Variants in PFKFB1 observed in about 807,000 individuals in gnomAD.
PFKFB1 encodes the protein 6-phosphofructo-2-kinase/fructose-2,6-bisphosphatase 1.
PFKFB1 carries 34 observed loss-of-function variants against 46.4 expected under a neutral mutation model. The ratio of observed to expected loss-of-function variants is 0.73; its 90% confidence interval spans 0.56 to 0.98. The LOEUF is 0.98. PFKFB1 is among the 50% of genes least tolerant of loss of function. The pLI is 0.00. For synonymous variants in PFKFB1, 119 were observed against 133.8 expected (o/e 0.89, Z 0.76); for missense variants, 393 against 376.3 (o/e 1.04, Z -0.37).
Position 54,937,664 on chromosome X carries a change from T to C in PFKFB1, c.1159A>G (p.Asn387Asp), listed in dbSNP as rs758781475. The stretch of plus-strand genomic sequence containing the variant: ...GCCTGGTGGCAGATCACCAGTACAT[T>C]CTCCTGTCGTTCTAGCTCCATTATC... ...PVIMELERQE[N>D]VLVICHQAVM... Residue 387 changes from asparagine (N) to aspartate (D), a missense_variant, in exon 11 of 14, where the codon AAT (asparagine) becomes GAT (aspartate). By Grantham distance (23) the Asn-to-Asp change is conservative. Transcript: ENST00000375006. The C allele has an allele frequency of 8.3e-7, 1 of 1,206,650 alleles. No individual in the cohort carries two copies. Among genetic ancestry groups the C allele is most frequent in the East Asian group, 3.0e-5 (1 of 33,825 alleles).
At chrX:54,994,493 T>TA (rs944815765), upstream of PFKFB1, 4 of 751,921 alleles carry the variant, frequency 5.3e-6, no homozygotes, top group African/African-American at 2.3e-5. Flanking sequence ...AGCTTTGAAA[T>TA]AAAAAAATGG....
intron 2 of PFKFB1, among the ~76,000 whole-genome samples, chrX:54,962,409 T>A (rs1934341218): frequency 8.9e-6 from 1 of 112,211 alleles, no homozygotes; most frequent in Non-Finnish European, 1.9e-5. Flanking sequence ...CTAGATGATA[T>A]GAGGTATTCT....
intron 10 of PFKFB1, among the ~76,000 whole-genome samples, chrX:54,942,710 C>G (rs1933680021): frequency 9.0e-6 from 1 of 110,758 alleles, no homozygotes. Flanking sequence ...TAAGGGATGC[C>G]ACAATATAAA....
chrX:54,934,909 C>T (rs776453130), intron 12 of PFKFB1, 38 bp downstream of exon 12: 1 of 1,108,078 alleles, frequency 9.0e-7, no homozygotes, highest in South Asian at 1.9e-5. Flanking sequence ...CTCATAGCCT[C>T]TATATGCCTG....
chrX:54,951,990 A>G lies in PFKFB1; in HGVS notation c.761T>C (p.Ile254Thr), dbSNP rs146369182. The G allele has an allele frequency of 4.9e-4, 591 of 1,209,780 alleles. 1 individual carries two copies. The highest frequency in any genetic ancestry group is 6.2e-4 in the Non-Finnish European group (558 of 894,864). ...LMNIHVTPRS[I>T]YLCRHGESEL... ...ACTCTCGCCATGTCGGCAAAGGTAG[A>G]TGGAGCGAGGTGTGACATGGATATT... Residue 254 changes from isoleucine to threonine, a missense_variant, in exon 8 of 14, where the codon ATC (isoleucine) becomes ACC (threonine). By Grantham distance (89) the Ile-to-Thr change is moderately conservative. Transcript: ENST00000375006.
At chrX:54,996,945 C>T (rs932366197), upstream of PFKFB1, among the ~76,000 whole-genome samples, 3 of 111,344 alleles carry the variant, frequency 2.7e-5, no homozygotes, top group African/African-American at 9.8e-5. Flanking sequence ...CCACATGCTC[C>T]TATCTGAGCA....
At chrX:54,965,454 T>C (rs1369905529) in intron 1 of PFKFB1, among the ~76,000 whole-genome samples, 2 of 111,716 alleles carry the variant, frequency 1.8e-5, no homozygotes, top group African/African-American at 6.5e-5. Context: ...GAATTCCAAG[T>C]TCTGCAAAAA....
chrX:54,948,999 G>A (rs189854610), intron 9 of PFKFB1, 76 bp downstream of exon 9: 34 of 1,116,245 alleles, frequency 3.0e-5, no homozygotes, highest in East Asian at 1.5e-4. Context: ...ATAGGGGCTG[G>A]AGCAGAGGCA....
Position 54,958,328 on chromosome X carries a change from C to T in PFKFB1, c.494G>A (p.Gly165Asp). 2 of 1,186,240 alleles carry T rather than the reference C, an allele frequency of 1.7e-6. No individual in the cohort carries two copies. The highest frequency in any genetic ancestry group is 1.1e-6 in the Non-Finnish European group (1 of 873,591). The change falls in exon 6 of 14, where the codon GGC (glycine) becomes GAC (aspartate). Residue 165 changes from glycine to aspartate, a missense_variant. Gly to Asp is a moderately conservative substitution (Grantham distance 94, BLOSUM62 -1). Coordinates refer to ENST00000375006, the MANE Select transcript of PFKFB1 (RefSeq NM_002625.4). ...TACCCTGATGTTTTCTGCAATTATGCCAGGGTCATTACAAATGGACTCAAT... is the reference window on the plus strand; with the variant it reads ...TACCCTGATGTTTTCTGCAATTATGTCAGGGTCATTACAAATGGACTCAAT... The part of the protein sequence containing the change: ...FFIESICNDP[G>D]IIAENIRQVK...
intron 10 of PFKFB1, among the ~76,000 whole-genome samples, chrX:54,938,615 C>T (rs1390408244): frequency 9.0e-6 from 1 of 111,202 alleles, no homozygotes; most frequent in Non-Finnish European, 1.9e-5. Context: ...ATAAAACAGA[C>T]TTTAAACCAA....
chrX:54,943,570 T>C (rs1314290467), intron 10 of PFKFB1, among the ~76,000 whole-genome samples: 1 of 110,420 alleles, frequency 9.1e-6, no homozygotes, highest in Non-Finnish European at 1.9e-5. Context: ...GCTAACACGG[T>C]GATACCCCGT....
chrX:54,936,680 C>T lies in PFKFB1; in HGVS notation c.1228+915G>A, dbSNP rs766282455. 7.2e-5 allele frequency among the ~76,000 whole-genome samples: 8 copies of T among 111,735 alleles called. No individual in the cohort carries two copies. The East Asian group carries it at 1.4e-3, about 20-fold the overall frequency. ...TCTACCAGTGCAAGGACCCCCACCGCACATCCTATCACCTATTTCCAGTGA... is the reference window on the plus strand; with the variant it reads ...TCTACCAGTGCAAGGACCCCCACCGTACATCCTATCACCTATTTCCAGTGA... On this transcript the variant is annotated intron_variant, in intron 11 of 13. Coordinates refer to ENST00000375006, the MANE Select transcript of PFKFB1 (RefSeq NM_002625.4).
chrX:54,971,838 T>C (rs1414913716), intron 1 of PFKFB1, among the ~76,000 whole-genome samples: 1 of 111,480 alleles, frequency 9.0e-6, no homozygotes, highest in Non-Finnish European at 1.9e-5. Flanking sequence ...TTTGGTTCCA[T>C]ATGAACTTTA....
chrX:54,936,967 G>GTTT (rs775596246), intron 11 of PFKFB1, among the ~76,000 whole-genome samples: 4 of 102,662 alleles, frequency 3.9e-5, no homozygotes, highest in Non-Finnish European at 8.0e-5. Flanking sequence ...TGATATAACA[G>GTTT]TTTTTTTTTT....
At chrX:54,947,355 G>C (rs1388846522) in intron 9 of PFKFB1, among the ~76,000 whole-genome samples, 1 of 111,708 alleles carries the variant, frequency 9.0e-6, no homozygotes, top group Non-Finnish European at 1.9e-5. Flanking sequence ...AGTGAAGACA[G>C]GAATGAATTA....
rs769750855 is a variant in PFKFB1, at chrX:54,958,901, T to C, written c.409A>G (p.Arg137Gly). 8.4e-7 allele frequency: 1 copy of C among 1,195,923 alleles called. No homozygotes were observed. Among genetic ancestry groups the C allele is most frequent in the Non-Finnish European group, 1.1e-6 (1 of 881,691 alleles). ...TGCAGGATCAGTGACCGTCGTTCTC[T>C]GGTAGTGTTGGTGGCATCAAAAACC... ...VAVFDATNTTRERRSLILQFA... is the reference protein window; with the variant it reads ...VAVFDATNTTGERRSLILQFA... Residue 137 changes from arginine to glycine, a missense_variant, in exon 5 of 14, where the codon AGA becomes GGA. Physicochemically the swap from Arg to Gly is moderately radical, Grantham distance 125 (BLOSUM62 -2). Coordinates refer to ENST00000375006, the MANE Select transcript of PFKFB1 (RefSeq NM_002625.4).
intron 5 of PFKFB1, among the ~76,000 whole-genome samples, 188 bp from the exon 6 acceptor site, chrX:54,958,550 C>T (rs753872574): frequency 1.8e-5 from 2 of 110,841 alleles, no homozygotes; most frequent in Non-Finnish European, 3.8e-5. Context: ...ACTGAATGAC[C>T]CCAGACTGTT....
chrX:54,938,325 G>C (rs887191518), intron 10 of PFKFB1, among the ~76,000 whole-genome samples: 2 of 112,164 alleles, frequency 1.8e-5, no homozygotes, highest in Middle Eastern at 4.2e-3. Flanking sequence ...ACAAGAAAAT[G>C]TGTCTGTCTC....
At chrX:54,950,377 T>C (rs769252787) in intron 8 of PFKFB1, among the ~76,000 whole-genome samples, 1 of 111,877 alleles carries the variant, frequency 8.9e-6, no homozygotes, top group Non-Finnish European at 1.9e-5. Context: ...TTGTCTCATC[T>C]GGCCTGCTGT....
Sources: allele counts gnomAD v4.1 joint callset (sites outside exome capture counted in the v4.1 genomes callset), GRCh38; gene constraint gnomAD v4.1.1; transcripts MANE v1.5; gene names NCBI Gene and HGNC (gene_info 2026-07-23, HGNC 2026-07-21).